The following ANK2 variants were observed in gnomAD, a reference collection of about 807,000 sequenced individuals.
ANK2 encodes ankyrin-2.
Under a neutral mutation model 360.5 loss-of-function variants are expected in ANK2, and 83 were observed. The ratio of observed to expected loss-of-function variants is 0.23; its 90% CI spans 0.19 to 0.28. The LOEUF is 0.28. ANK2 is among the 10% of genes least tolerant of loss of function. The pLI is 1.00. For synonymous variants in ANK2, 1,740 were observed against 1,759.5 expected (o/e 0.99, Z 0.28); for missense variants, 4,201 against 4,795.7 (o/e 0.88, Z 3.66).
intron 2 of ANK2, among the ~76,000 whole-genome samples, chr4:113,008,248 T>C (rs1050063327): frequency 6.6e-6 from 1 of 152,200 alleles, no homozygotes; most frequent in Non-Finnish European, 1.5e-5. Flanking sequence ...CTACACTTTA[T>C]TAGCTTTTAA....
intron 1 of ANK2, among the ~76,000 whole-genome samples, chr4:113,135,830 A>G (rs900852544): frequency 1.3e-5 from 2 of 152,178 alleles, no homozygotes; most frequent in African/African-American, 4.8e-5. Flanking sequence ...CAAACATCTG[A>G]AAATATAATT....
At chr4:113,152,059 C>A (rs2097109113) in intron 1 of ANK2, among the ~76,000 whole-genome samples, 2 of 101,818 alleles carry the variant, frequency 2.0e-5, no homozygotes, top group Non-Finnish European at 3.5e-5. Context: ...GAGCAAGTCT[C>A]TGTCTCAAAA....
chr4:113,034,195 A>G (rs1290274686), intron 2 of ANK2, among the ~76,000 whole-genome samples: 2 of 151,996 alleles, frequency 1.3e-5, no homozygotes, highest in Non-Finnish European at 2.9e-5. Context: ...GATTATATCA[A>G]GAGCGGAAAT....
rs114742705 is a variant in ANK2, at chr4:112,858,327, G to T, written c.-40+40063G>T. Among the ~76,000 whole-genome samples, 743 of 152,180 alleles carry T rather than the reference G, an allele frequency of 4.9e-3. 8 individuals carry two copies. The highest frequency in any genetic ancestry group is 0.017 in the African/African-American group (692 of 41,534). Reference sequence around the variant, plus strand: ...AAAAAATAGAACTATTATATCTTGAGCACAGACTATGTGCTAGGCATTCTT... The same window carrying T: ...AAAAAATAGAACTATTATATCTTGATCACAGACTATGTGCTAGGCATTCTT... On this transcript the variant is annotated intron_variant, in intron 1 of 30. Coordinates refer to the ANK2 transcript ENST00000503271.
intron 2 of ANK2, among the ~76,000 whole-genome samples, chr4:113,038,391 A>G (rs945429228): frequency 6.6e-6 from 1 of 151,764 alleles, no homozygotes; most frequent in East Asian, 1.9e-4. Context: ...GTTTTTTTTT[A>G]AATGAATAAA....
intron 2 of ANK2, among the ~76,000 whole-genome samples, chr4:112,918,713 G>GATTGCCAAC (rs2090649485): frequency 6.6e-6 from 1 of 152,214 alleles, no homozygotes; most frequent in Admixed American, 6.5e-5. Context: ...TCAACAGAAT[G>GATTGCCAAC]AATAGTTTTG....
chr4:113,235,812 G>T (rs1247418123), intron 5 of ANK2, among the ~76,000 whole-genome samples: 1 of 148,594 alleles, frequency 6.7e-6, no homozygotes, highest in Non-Finnish European at 1.5e-5. Context: ...CACGATCTTG[G>T]CTCACTGCAA....
chr4:113,140,148 T>G (rs2096584969), intron 1 of ANK2, among the ~76,000 whole-genome samples: 1 of 152,222 alleles, frequency 6.6e-6, no homozygotes, highest in South Asian at 2.1e-4. Flanking sequence ...GAAAATAGCA[T>G]GCTGCCTTGC....
At position 112,934,947 on chromosome 4, in the gene ANK2, G is replaced by A. The variant is rs112060473; in HGVS notation, c.21+30433G>A. Among the ~76,000 whole-genome samples the A allele has an allele frequency of 8.9e-3, 1,351 of 152,284 alleles. 16 individuals carry two copies. The highest frequency in any genetic ancestry group is 0.03 in the African/African-American group (1,265 of 41,546). On this transcript the variant is annotated intron_variant, in intron 2 of 30. Coordinates refer to the ANK2 transcript ENST00000503271. ...TGGCATTTGAGTAGAGATCTGAAGG[G>A]AGTAAGAGAACAAACTTTAGATATT... is the stretch of plus-strand genomic sequence containing the variant.
upstream of ANK2, among the ~76,000 whole-genome samples, chr4:113,045,449 C>A (rs1159131446): frequency 6.6e-6 from 1 of 152,192 alleles, no homozygotes; most frequent in African/African-American, 2.4e-5. Flanking sequence ...ATCTGATGAA[C>A]TTAAGCTCTA....
At chr4:112,730,143 A>G in the ANK2 span, among the ~76,000 whole-genome samples, 1 of 150,054 alleles carries the variant, frequency 6.7e-6, no homozygotes, top group Non-Finnish European at 1.5e-5. Context: ...AATCCCAGCT[A>G]CTTGGGTGGC....
intron 1 of ANK2, among the ~76,000 whole-genome samples, chr4:113,073,096 G>T (rs2078393559): frequency 6.6e-6 from 1 of 150,744 alleles, no homozygotes; most frequent in African/African-American, 2.4e-5. Flanking sequence ...CAAGTAGCTG[G>T]GATTACAGGC....
chr4:112,783,793 A>G, the ANK2 span, among the ~76,000 whole-genome samples: 1 of 151,552 alleles, frequency 6.6e-6, no homozygotes, highest in Non-Finnish European at 1.5e-5. Context: ...GGGACTACAG[A>G]CACCCGCCAC....
At chr4:112,734,864 C>T in the ANK2 span, among the ~76,000 whole-genome samples, 2 of 152,138 alleles carry the variant, frequency 1.3e-5, no homozygotes, top group Non-Finnish European at 1.5e-5. Context: ...GTAATCTGGG[C>T]GTTTTGCCCA....
intron 8 of ANK2, among the ~76,000 whole-genome samples, chr4:113,241,137 T>C (rs1702004925): frequency 6.6e-6 from 1 of 152,200 alleles, no homozygotes; most frequent in South Asian, 2.1e-4. Flanking sequence ...TAATGCAGAA[T>C]ATGAATATAC....
chr4:113,351,324 G>C (rs1173587597), intron 37 of ANK2, among the ~76,000 whole-genome samples: 1 of 152,058 alleles, frequency 6.6e-6, no homozygotes, highest in Admixed American at 6.5e-5. Context: ...CTAGGACAAT[G>C]TAATTTACTA....
chr4:112,990,429 C>T (rs2046363272), intron 2 of ANK2, among the ~76,000 whole-genome samples: 1 of 152,030 alleles, frequency 6.6e-6, no homozygotes, highest in Non-Finnish European at 1.5e-5. Context: ...TGAGTCTATT[C>T]TCTGATTAAA....
At chr4:112,954,156 C>T (rs1252880111) in intron 2 of ANK2, among the ~76,000 whole-genome samples, 1 of 151,516 alleles carries the variant, frequency 6.6e-6, no homozygotes, top group Non-Finnish European at 1.5e-5. Flanking sequence ...GTTGTCCCAC[C>T]CCTGTATCCT....
At chr4:112,878,553 T>C (rs896537724) in intron 1 of ANK2, among the ~76,000 whole-genome samples, 11 of 152,284 alleles carry the variant, frequency 7.2e-5, no homozygotes, top group African/African-American at 2.4e-4. Context: ...CTCAAACTCC[T>C]GACCTCAGGT....
Sources: allele counts gnomAD v4.1 joint callset (sites outside exome capture counted in the v4.1 genomes callset), GRCh38; gene constraint gnomAD v4.1.1; transcripts MANE v1.5; gene names NCBI Gene and HGNC (gene_info 2026-07-23, HGNC 2026-07-21).